OR3A2: variants seen among roughly 807,000 people sequenced by gnomAD.
The protein encoded by OR3A2 is olfactory receptor 3A2.
For synonymous variants in OR3A2, 126 were observed against 159.3 expected (o/e 0.79, Z 1.57); for missense variants, 318 against 392.8 (o/e 0.81, Z 1.61).
At chr17:3,315,993 G>A (rs1015204630) in intron 3 of OR3A2, among the ~76,000 whole-genome samples, 1 of 152,016 alleles carries the variant, frequency 6.6e-6, no homozygotes, top group South Asian at 2.1e-4. Flanking sequence ...TAGCCCTGGT[G>A]GACCTTCTTA....
chr17:3,366,242 C>T (rs1360163210), intron 2 of OR3A2, among the ~76,000 whole-genome samples: 1 of 152,112 alleles, frequency 6.6e-6, no homozygotes, highest in Non-Finnish European at 1.5e-5. Context: ...CATAGAGTGG[C>T]CACTATACTG....
chr17:3,300,757 A>G (rs527420872), intron 3 of OR3A2, among the ~76,000 whole-genome samples: 1 of 151,970 alleles, frequency 6.6e-6, no homozygotes, highest in Non-Finnish European at 1.5e-5. Flanking sequence ...TTTGTTACAT[A>G]TGTATACATG....
chr17:3,293,536 C>A (rs1306702119), intron 3 of OR3A2, among the ~76,000 whole-genome samples: 4 of 152,228 alleles, frequency 2.6e-5, no homozygotes, highest in African/African-American at 9.6e-5. Context: ...GGCAAAAACT[C>A]ATGTCATTTA....
In OR3A2 at chr17:3,358,955, G is replaced by A. The variant is rs1186528886; in HGVS notation, c.-178-22829C>T. The stretch of plus-strand genomic sequence containing the variant: ...CTTTAAAACTTGCTTTATAAATCTG[G>A]GTACTCCTGTGTTGTGTGCATATAT... On this transcript the variant is annotated intron_variant, in intron 2 of 4. Coordinates refer to the OR3A2 transcript ENST00000573491. 2.0e-5 allele frequency among the ~76,000 whole-genome samples: 3 copies of A among 151,566 alleles called. No individual in the cohort carries two copies. The East Asian group carries it at 5.8e-4, about 29-fold the overall frequency.
intron 3 of OR3A2, among the ~76,000 whole-genome samples, chr17:3,303,945 T>C (rs2048984036): frequency 6.9e-6 from 1 of 145,880 alleles, no homozygotes; most frequent in Admixed American, 6.9e-5. Flanking sequence ...TATATATATA[T>C]ATTAGAAGTT....
intron 3 of OR3A2, among the ~76,000 whole-genome samples, chr17:3,294,246 G>A (rs77354201): frequency 0.014 from 2,106 of 151,840 alleles, 32 homozygotes; most frequent in African/African-American, 0.047. Context: ...TATAAGAGCT[G>A]AGGGAAGGGA....
At chr17:3,339,421 T>G (rs2049298127) in intron 2 of OR3A2, among the ~76,000 whole-genome samples, 1 of 152,070 alleles carries the variant, frequency 6.6e-6, no homozygotes, top group South Asian at 2.1e-4. Flanking sequence ...TAAATAGCTC[T>G]TATCTCTTAT....
intron 2 of OR3A2, among the ~76,000 whole-genome samples, chr17:3,371,204 C>T (rs1468821742): frequency 2.0e-5 from 3 of 150,546 alleles, no homozygotes; most frequent in East Asian, 2.0e-4. Context: ...CGGGCAGAGG[C>T]GCCCCTCACC....
At chr17:3,300,731 G>A (rs1289289619) in intron 3 of OR3A2, among the ~76,000 whole-genome samples, 1 of 151,434 alleles carries the variant, frequency 6.6e-6, no homozygotes, top group Non-Finnish European at 1.5e-5. Flanking sequence ...TAGGGTACAT[G>A]TGCACAATGT....
At chr17:3,352,048 GTCT>G (rs1280261279) in intron 2 of OR3A2, among the ~76,000 whole-genome samples, 1 of 151,870 alleles carries the variant, frequency 6.6e-6, no homozygotes, top group Non-Finnish European at 1.5e-5. Context: ...TGGATTGTAT[GTCT>G]TCTTGTGAGA....
At chr17:3,353,181 A>C (rs558883829) in intron 2 of OR3A2, among the ~76,000 whole-genome samples, 3 of 151,582 alleles carry the variant, frequency 2.0e-5, no homozygotes, top group African/African-American at 7.2e-5. Flanking sequence ...GTTGCTTTCC[A>C]AAAATGCCAT....
At chr17:3,285,276 G>A (rs190974391), upstream of OR3A2, among the ~76,000 whole-genome samples, 229 of 152,210 alleles carry the variant, frequency 1.5e-3, 1 homozygote, top group African/African-American at 5.3e-3. Flanking sequence ...TCTCCCACCA[G>A]GGAGTTGTGG....
intron 3 of OR3A2, among the ~76,000 whole-genome samples, chr17:3,320,973 A>G (rs1252612326): frequency 5.3e-5 from 8 of 152,030 alleles, no homozygotes; most frequent in Admixed American, 4.6e-4. Flanking sequence ...CTTGGGCAGT[A>G]TGGCCATTTT....
intron 2 of OR3A2, among the ~76,000 whole-genome samples, chr17:3,354,331 G>C (rs1215113248): frequency 6.6e-6 from 1 of 151,166 alleles, no homozygotes; most frequent in Non-Finnish European, 1.5e-5. Flanking sequence ...CCTCTTTTTT[G>C]AGAAAGGTTT....
At chr17:3,330,262 A>C (rs968142998) in intron 3 of OR3A2, among the ~76,000 whole-genome samples, 1 of 151,180 alleles carries the variant, frequency 6.6e-6, no homozygotes, top group Non-Finnish European at 1.5e-5. Context: ...ATTCCTGGGT[A>C]TCCTTGTTGA....
At chr17:3,287,131 C>CT (rs1176400112), upstream of OR3A2, among the ~76,000 whole-genome samples, 1 of 152,168 alleles carries the variant, frequency 6.6e-6, no homozygotes, top group African/African-American at 2.4e-5. Flanking sequence ...CTGGAATCTA[C>CT]TTTATATGGT....
At chr17:3,307,279 C>T (rs1354786515) in intron 3 of OR3A2, among the ~76,000 whole-genome samples, 1 of 152,210 alleles carries the variant, frequency 6.6e-6, no homozygotes, top group Non-Finnish European at 1.5e-5. Flanking sequence ...ACGACACAGC[C>T]TCCGGTATGT....
chr17:3,306,237 A>G (rs231682), intron 3 of OR3A2, among the ~76,000 whole-genome samples: 101,376 of 151,920 alleles, frequency 0.67, 34,974 homozygotes, highest in East Asian at 1. Context: ...ACGCAGCCTC[A>G]AACTCCTGGC....
chr17:3,322,978 T>C (rs936054167), intron 3 of OR3A2, among the ~76,000 whole-genome samples: 4 of 152,132 alleles, frequency 2.6e-5, no homozygotes, highest in African/African-American at 7.2e-5. Flanking sequence ...GGTGTTAAAG[T>C]CTCCCATTAT....
Sources: gnomAD v4.1 joint callset for allele counts (sites outside exome capture counted in the v4.1 genomes callset) on GRCh38, gnomAD v4.1.1 for gene constraint, MANE v1.5 for transcripts, NCBI Gene and HGNC (gene_info 2026-07-23, HGNC 2026-07-21) for gene names.